ROR1: variants seen among roughly 807,000 people sequenced by gnomAD.
ROR1 encodes the protein inactive tyrosine-protein kinase transmembrane receptor ROR1.
ROR1 carries 19 observed loss-of-function variants against 78.8 expected under a neutral mutation model. The ratio of observed to expected loss-of-function variants is 0.24; its 90% CI spans 0.17 to 0.35. ROR1 has a LOEUF of 0.35. ROR1 is among the 10% of genes least tolerant of loss of function. The probability of loss-of-function intolerance (pLI) is 1.00; values close to 1 mark genes in which losing one functional copy is unlikely to be tolerated. For synonymous variants in ROR1, 386 were observed against 433.6 expected (o/e 0.89, Z 1.36); for missense variants, 917 against 1,177.8 (o/e 0.78, Z 3.24).
chr1:64,023,404 T>C (rs1354957858), intron 2 of ROR1, among the ~76,000 whole-genome samples: 2 of 152,138 alleles, frequency 1.3e-5, no homozygotes, highest in Non-Finnish European at 2.9e-5. Context: ...CCAGGGCCAG[T>C]TGAGGCAGGA....
intron 1 of ROR1, among the ~76,000 whole-genome samples, chr1:63,923,322 G>A (rs1367028248): frequency 6.6e-6 from 1 of 152,130 alleles, no homozygotes; most frequent in Admixed American, 6.6e-5. Context: ...GGTCCTGTTG[G>A]TTTGGGCTGG....
intron 8 of ROR1, among the ~76,000 whole-genome samples, chr1:64,162,946 G>T (rs970096432): frequency 6.6e-6 from 1 of 152,070 alleles, no homozygotes; most frequent in Non-Finnish European, 1.5e-5. Flanking sequence ...GCTTGCTTGG[G>T]TAAGGGAGAG....
rs56230309 is a variant in ROR1 at position 63,943,093 on chromosome 1, T to TAA, written c.92-66189_92-66188dup. Among the ~76,000 whole-genome samples, 520 of 114,948 alleles carry TAA rather than the reference T, an allele frequency of 4.5e-3. 12 individuals carry two copies. The highest frequency in any genetic ancestry group is 0.017 in the African/African-American group (497 of 28,420). 75.4% of individuals were successfully genotyped at this position (114,948 alleles called of 152,430 possible). ...GAGCAACAGAGCAAAACCCTGTCTT[T>TAA]AAAAAAAAAAAAAAAAAAAAAAAAG... On this transcript the variant is annotated intron_variant, in intron 1 of 8. Coordinates refer to ENST00000371079, the MANE Select transcript of ROR1 (RefSeq NM_005012.4).
chr1:64,090,598 C>T (rs1029220333), intron 4 of ROR1, among the ~76,000 whole-genome samples: 5 of 152,256 alleles, frequency 3.3e-5, no homozygotes, highest in East Asian at 1.9e-4. Flanking sequence ...AAATTAGTTC[C>T]GACCCCACGT....
chr1:64,119,909 G>A lies in ROR1; in HGVS notation c.483-17460G>A, dbSNP rs114596782. Among the ~76,000 whole-genome samples, 299 of 152,298 alleles carry A rather than the reference G, an allele frequency of 2.0e-3. 1 individual carries two copies. The highest frequency in any genetic ancestry group is 7.1e-3 in the African/African-American group (293 of 41,560). On this transcript the variant is annotated intron_variant, in intron 4 of 8. Transcript: ENST00000371079. ...TCCAAAGCCCTTGCTCTTGGATGCT[G>A]TGACTTAGAGATTTTCAAATGCCAC...
At chr1:64,014,976 C>G (rs539171660) in intron 2 of ROR1, among the ~76,000 whole-genome samples, 1 of 150,736 alleles carries the variant, frequency 6.6e-6, no homozygotes, top group Non-Finnish European at 1.5e-5. Context: ...AAGACATACC[C>G]GAGACTGGGA....
intron 1 of ROR1, among the ~76,000 whole-genome samples, chr1:63,786,977 T>C (rs1644692207): frequency 6.6e-6 from 1 of 152,158 alleles, no homozygotes. Context: ...CTGTTTTTGT[T>C]AGGGAGGCAA....
rs1053077231 is a variant in ROR1 at position 64,175,176 on chromosome 1, GCTAT to G, written c.1387-2247_1387-2244del. ...TACTTCCATACCCCCAATAATCACTGCTATCTATTTCCCAAGTATCCTTTCGTAG... is the reference window on the plus strand; with the variant it reads ...TACTTCCATACCCCCAATAATCACTGCTATTTCCCAAGTATCCTTTCGTAG... On this transcript the variant is annotated intron_variant, in intron 8 of 8. Transcript: ENST00000371079. Among the ~76,000 whole-genome samples the G allele has an allele frequency of 1.3e-4, 19 of 151,582 alleles. No individual in the cohort carries two copies. In the East Asian group the frequency reaches 1.3e-3, roughly 11 times the overall value.
intron 1 of ROR1, among the ~76,000 whole-genome samples, chr1:63,899,532 CCTGGCATCAGT>C (rs1201916916): frequency 2.0e-5 from 3 of 152,054 alleles, no homozygotes; most frequent in African/African-American, 7.2e-5. Flanking sequence ...GTTTATGCTG[CCTGGCATCAGT>C]CTGAATTGCT....
intron 4 of ROR1, among the ~76,000 whole-genome samples, chr1:64,064,050 C>A (rs1188000763): frequency 6.6e-6 from 1 of 152,214 alleles, no homozygotes; most frequent in Non-Finnish European, 1.5e-5. Flanking sequence ...ACAGCATCAT[C>A]AGGATCCAAT....
At position 64,107,898 on chromosome 1, in the gene ROR1, C is replaced by T. The variant is rs112991653; in HGVS notation, c.483-29471C>T. Among the ~76,000 whole-genome samples the T allele has an allele frequency of 3.0e-3, 454 of 152,150 alleles. 2 individuals are homozygous for T. The highest frequency in any genetic ancestry group is 0.01 in the Middle Eastern group (3 of 294). On this transcript the variant is annotated intron_variant, in intron 4 of 8. Transcript: ENST00000371079. Reference sequence around the variant, plus strand: ...TACCTCTGTGTTCTGAGGGAGCCAGCCATAAATATTCAGCATCGGTGGTCA... The same window carrying T: ...TACCTCTGTGTTCTGAGGGAGCCAGTCATAAATATTCAGCATCGGTGGTCA...
At chr1:64,042,268 G>A (rs1646751154) in intron 2 of ROR1, among the ~76,000 whole-genome samples, 1 of 152,114 alleles carries the variant, frequency 6.6e-6, no homozygotes, top group Non-Finnish European at 1.5e-5. Context: ...GTGGGACCCA[G>A]GTATCAGTAT....
chr1:63,817,754 C>G (rs1644900852), intron 1 of ROR1, among the ~76,000 whole-genome samples: 1 of 152,120 alleles, frequency 6.6e-6, no homozygotes, highest in African/African-American at 2.4e-5. Flanking sequence ...GATTTCTTGT[C>G]TCAATTTCAT....
At chr1:64,047,990 A>G (rs545514233) in intron 2 of ROR1, among the ~76,000 whole-genome samples, 1 of 152,164 alleles carries the variant, frequency 6.6e-6, no homozygotes, top group Non-Finnish European at 1.5e-5. Context: ...TGTGAGACAC[A>G]CTCCTGTGAG....
intron 1 of ROR1, among the ~76,000 whole-genome samples, chr1:63,915,889 C>T (rs1352903765): frequency 1.3e-5 from 2 of 152,138 alleles, no homozygotes; most frequent in East Asian, 3.9e-4. Flanking sequence ...AATTCTCCCA[C>T]TCCGGAGACC....
chr1:64,023,739 C>G (rs2100559571), intron 2 of ROR1, among the ~76,000 whole-genome samples: 1 of 152,244 alleles, frequency 6.6e-6, no homozygotes, highest in East Asian at 1.9e-4. Context: ...ACATTTGTCC[C>G]TTAGAAACAA....
intron 8 of ROR1, among the ~76,000 whole-genome samples, chr1:64,169,805 A>G (rs1198105625): frequency 1.3e-5 from 2 of 152,222 alleles, no homozygotes; most frequent in Admixed American, 6.5e-5. Context: ...AAATACAGCC[A>G]TTCCAAATGG....
chr1:63,903,723 CAT>C (rs1451944254), intron 1 of ROR1, among the ~76,000 whole-genome samples: 7 of 151,770 alleles, frequency 4.6e-5, no homozygotes, highest in Admixed American at 2.6e-4. Flanking sequence ...CATATATAAA[CAT>C]AACTATATAT....
chr1:63,810,282 T>G (rs1389542193), intron 1 of ROR1, among the ~76,000 whole-genome samples: 4 of 152,214 alleles, frequency 2.6e-5, no homozygotes, highest in Non-Finnish European at 5.9e-5. Flanking sequence ...AAGATATTTT[T>G]GGGAACATTC....
Sources: allele counts gnomAD v4.1 joint callset (sites outside exome capture counted in the v4.1 genomes callset), GRCh38; gene constraint gnomAD v4.1.1; transcripts MANE v1.5; gene names NCBI Gene and HGNC (gene_info 2026-07-23, HGNC 2026-07-21).